The following EIF4G3 variants were observed in gnomAD, a reference collection of about 807,000 sequenced individuals.
EIF4G3 encodes eIF-4-gamma 3.
EIF4G3 carries 34 observed loss-of-function variants against 186.4 expected under a neutral mutation model. The observed-to-expected ratio is 0.18, with a 90% confidence interval of 0.14 to 0.24. The LOEUF (loss-of-function observed/expected upper bound fraction) is 0.24, where lower values mean the gene tolerates loss of function less well. EIF4G3 is among the 10% of genes least tolerant of loss of function. The pLI, the probability that EIF4G3 is intolerant of heterozygous loss-of-function variation, is 1.00. For missense variants in EIF4G3, 1,536 were observed against 1,948.5 expected (o/e 0.79, Z 3.99); for synonymous variants, 673 against 679.5 (o/e 0.99, Z 0.15).
rs761649404 is a variant in EIF4G3 at position 21,053,834 on chromosome 1, C to T, written c.-195-2840G>A. On this transcript the variant is annotated intron_variant, in intron 3 of 36. Coordinates refer to ENST00000602326, the MANE Select transcript of EIF4G3 (RefSeq NM_001391906.1). The stretch of plus-strand genomic sequence containing the variant: ...CCTCTGCCCGGCCAGCCGCCCCATC[C>T]GGGAGGGAGGTGGGGGGGTCAGCCC... Among the ~76,000 whole-genome samples, 561 of 144,286 alleles carry T rather than the reference C, an allele frequency of 3.9e-3. 3 individuals are homozygous for T. Among genetic ancestry groups the T allele is most frequent in the African/African-American group, 0.013 (496 of 38,610 alleles). 94.7% of individuals were successfully genotyped at this position (144,286 alleles called of 152,430 possible).
At chr1:21,133,509 G>A (rs1420175947) in intron 2 of EIF4G3, among the ~76,000 whole-genome samples, 1 of 152,210 alleles carries the variant, frequency 6.6e-6, no homozygotes, top group African/African-American at 2.4e-5. Context: ...ACAGGCATGA[G>A]CCACCGCGCC....
rs748994829 is a variant in EIF4G3, at chr1:21,001,194, C to T, written c.144+5G>A. The T allele has an allele frequency of 4.2e-6, 2 of 471,574 alleles. No homozygotes were observed. Among genetic ancestry groups the T allele is most frequent in the Middle Eastern group, 3.2e-4 (1 of 3,082 alleles). 29.2% of individuals were successfully genotyped at this position (471,574 alleles called of 1,614,324 possible). The stretch of plus-strand genomic sequence containing the variant: ...GCAAGAAGTACAGTTTGTTATATTG[C>T]TTACAATGCAGTATTTTATCCAGCC... On this transcript the variant is annotated splice_donor_5th_base_variant and intron_variant, in intron 6 of 36. Coordinates refer to ENST00000602326, the MANE Select transcript of EIF4G3 (RefSeq NM_001391906.1).
chr1:20,887,819 G>A (rs2084722689), intron 18 of EIF4G3, among the ~76,000 whole-genome samples: 2 of 152,072 alleles, frequency 1.3e-5, no homozygotes, highest in South Asian at 4.1e-4. Flanking sequence ...TAATATAGTA[G>A]CCCAGAAGAA....
intron 3 of EIF4G3, among the ~76,000 whole-genome samples, chr1:21,077,718 G>A (rs1369630540): frequency 3.3e-5 from 5 of 151,282 alleles, no homozygotes; most frequent in Non-Finnish European, 7.4e-5. Context: ...CCATCTCTAC[G>A]AAAAATACAA....
intron 2 of EIF4G3, among the ~76,000 whole-genome samples, chr1:21,153,842 G>A (rs768991358): frequency 7.6e-5 from 11 of 144,962 alleles, no homozygotes; most frequent in Non-Finnish European, 1.2e-4. Flanking sequence ...TGGGATTATA[G>A]GCGTGAGCCA....
chr1:21,142,982 C>T (rs1412417154), intron 2 of EIF4G3, among the ~76,000 whole-genome samples: 1 of 152,116 alleles, frequency 6.6e-6, no homozygotes, highest in Non-Finnish European at 1.5e-5. Flanking sequence ...AATGTGGTGG[C>T]TCATGCCTGT....
At chr1:21,122,000 A>G (rs1034373595) in intron 2 of EIF4G3, among the ~76,000 whole-genome samples, 1 of 152,098 alleles carries the variant, frequency 6.6e-6, no homozygotes, top group Admixed American at 6.6e-5. Context: ...GCTAAGCAAC[A>G]AAGAGGTTAG....
At chr1:20,962,911 T>TG (rs1328172680) in intron 12 of EIF4G3, among the ~76,000 whole-genome samples, 42 of 149,760 alleles carry the variant, frequency 2.8e-4, no homozygotes, top group African/African-American at 1.0e-3. Context: ...TAGTTTTGTT[T>TG]TTTTTTTGTT....
intron 30 of EIF4G3, among the ~76,000 whole-genome samples, chr1:20,830,676 A>T (rs114551513): frequency 0.013 from 1,930 of 152,222 alleles, 43 homozygotes; most frequent in African/African-American, 0.043. Context: ...TTTATCTCAT[A>T]TATTTTATCT....
intron 14 of EIF4G3, among the ~76,000 whole-genome samples, chr1:20,913,998 C>T (rs974701858): frequency 1.9e-4 from 29 of 151,678 alleles, no homozygotes; most frequent in South Asian, 1.9e-3. Flanking sequence ...TTAGTAGAGA[C>T]GGGGTTTCAC....
chr1:20,817,921 C>A (rs1571018272), intron 33 of EIF4G3, among the ~76,000 whole-genome samples: 1 of 151,966 alleles, frequency 6.6e-6, no homozygotes, highest in Non-Finnish European at 1.5e-5. Flanking sequence ...AGCAATCCGC[C>A]CTCCTTGGCC....
rs536855949 is a variant in EIF4G3, at chr1:21,039,748, T to G, written c.-67+11118A>C. On this transcript the variant is annotated intron_variant, in intron 4 of 36. Coordinates refer to ENST00000602326, the MANE Select transcript of EIF4G3 (RefSeq NM_001391906.1). ...CTGACAGGATAGGATAAAATATATA[T>G]AAATCACATAACTGATAAGGAATTG... is the stretch of plus-strand genomic sequence containing the variant. 1.7e-3 allele frequency among the ~76,000 whole-genome samples: 255 copies of G among 152,218 alleles called. 1 individual carries two copies. Among genetic ancestry groups the G allele is most frequent in the Non-Finnish European group, 3.2e-3 (215 of 68,010 alleles).
At chr1:21,143,409 G>A (rs2097374886) in intron 2 of EIF4G3, among the ~76,000 whole-genome samples, 1 of 151,750 alleles carries the variant, frequency 6.6e-6, no homozygotes, top group Admixed American at 6.6e-5. Flanking sequence ...AACTATAAAA[G>A]GATAACTAAG....
intron 5 of EIF4G3, among the ~76,000 whole-genome samples, 181 bp from the exon 6 acceptor site, chr1:21,001,493 T>C (rs1194396304): frequency 6.6e-6 from 1 of 152,208 alleles, no homozygotes; most frequent in Non-Finnish European, 1.5e-5. Flanking sequence ...GTTTAATTAT[T>C]AGAACCAGGG....
At chr1:20,973,143 CAA>C (rs2076223013) in intron 10 of EIF4G3, 44 bp from the exon 11 acceptor site, 1 of 1,421,322 alleles carries the variant, frequency 7.0e-7, no homozygotes, top group Non-Finnish European at 9.9e-7. Context: ...GTTATTTTGT[CAA>C]ACACTACAGA....
At chr1:20,941,200 T>C (rs549137302) in intron 14 of EIF4G3, 20 of 1,499,128 alleles carry the variant, frequency 1.3e-5, no homozygotes, top group African/African-American at 2.8e-5. Context: ...CCAATTCATA[T>C]GAATGAGGCA....
intron 34 of EIF4G3, among the ~76,000 whole-genome samples, chr1:20,815,777 G>A (rs1465272885): frequency 2.2e-5 from 3 of 133,496 alleles, no homozygotes; most frequent in Non-Finnish European, 4.9e-5. Context: ...CAGGAGGGAG[G>A]TGGGGGGGTC....
chr1:20,901,883 AG>A (rs1230047089), intron 15 of EIF4G3, among the ~76,000 whole-genome samples: 7 of 152,214 alleles, frequency 4.6e-5, no homozygotes, highest in Admixed American at 6.5e-5. Context: ...GAATCTGTTA[AG>A]AATTCACTTG....
intron 19 of EIF4G3, among the ~76,000 whole-genome samples, chr1:20,882,123 T>C (rs1388034766): frequency 6.6e-6 from 1 of 150,558 alleles, no homozygotes; most frequent in African/African-American, 2.4e-5. Flanking sequence ...AGATCATGCC[T>C]CTGCACTCCA....
Sources: gnomAD v4.1 joint callset for allele counts (sites outside exome capture counted in the v4.1 genomes callset) on GRCh38, gnomAD v4.1.1 for gene constraint, MANE v1.5 for transcripts, NCBI Gene and HGNC (gene_info 2026-07-23, HGNC 2026-07-21) for gene names.